SPOCK3: variants seen among roughly 807,000 people sequenced by gnomAD.
The protein encoded by SPOCK3 is SPARC (osteonectin), cwcv and kazal like domains proteoglycan 3.
In SPOCK3, 30 loss-of-function variants were observed where a neutral mutation model predicts 56.6. The observed-to-expected ratio is 0.53, with a 90% CI of 0.40 to 0.72. SPOCK3 has a LOEUF of 0.72. Among genes scored for constraint, SPOCK3 ranks in the 30% least tolerant of loss-of-function variants. The pLI is 0.00. For synonymous variants in SPOCK3, 196 were observed against 183.3 expected (o/e 1.07, Z -0.56); for missense variants, 527 against 530.0 (o/e 0.99, Z 0.06).
intron 3 of SPOCK3, among the ~76,000 whole-genome samples, chr4:167,058,413 G>A (rs1446797982): frequency 6.6e-6 from 1 of 152,140 alleles, no homozygotes; most frequent in East Asian, 1.9e-4. Context: ...GCTTCAAAGA[G>A]AATAAAATAC....
chr4:167,228,890 T>G (rs1736856959), intron 2 of SPOCK3, among the ~76,000 whole-genome samples: 1 of 152,162 alleles, frequency 6.6e-6, no homozygotes, highest in Admixed American at 6.5e-5. Context: ...TGCTACAGTC[T>G]TCACCAGCTC....
chr4:167,233,578 A>C (rs1380169593), intron 2 of SPOCK3, among the ~76,000 whole-genome samples: 6 of 152,048 alleles, frequency 3.9e-5, no homozygotes, highest in Admixed American at 3.9e-4. Flanking sequence ...TCCTTAATGG[A>C]CCATTAGTGA....
At chr4:167,054,757 G>A (rs1271998407) in intron 3 of SPOCK3, among the ~76,000 whole-genome samples, 4 of 152,292 alleles carry the variant, frequency 2.6e-5, no homozygotes, top group South Asian at 2.1e-4. Flanking sequence ...AAACTTAAAT[G>A]AGATGAAAAA....
chr4:167,060,980 C>T (rs1755546034), intron 3 of SPOCK3, among the ~76,000 whole-genome samples: 1 of 152,064 alleles, frequency 6.6e-6, no homozygotes, highest in Non-Finnish European at 1.5e-5. Flanking sequence ...TAGCTATTAT[C>T]ATGTCATAAG....
chr4:167,176,649 C>G (rs1312179205), intron 2 of SPOCK3, among the ~76,000 whole-genome samples: 1 of 151,980 alleles, frequency 6.6e-6, no homozygotes, highest in Non-Finnish European at 1.5e-5. Context: ...TTCGCTATAT[C>G]CCATTCAGTC....
At chr4:167,084,821 A>C (rs1272951486) in intron 2 of SPOCK3, among the ~76,000 whole-genome samples, 1 of 152,140 alleles carries the variant, frequency 6.6e-6, no homozygotes, top group Non-Finnish European at 1.5e-5. Context: ...AAAAGGTTAA[A>C]TTAGACGACA....
At chr4:167,144,143 C>A (rs1194004848) in intron 2 of SPOCK3, among the ~76,000 whole-genome samples, 2 of 151,754 alleles carry the variant, frequency 1.3e-5, no homozygotes, top group Non-Finnish European at 1.5e-5. Flanking sequence ...CTATTTTGTT[C>A]TTTTCCTCTT....
intron 4 of SPOCK3, among the ~76,000 whole-genome samples, chr4:166,938,318 G>T (rs1296892754): frequency 1.3e-5 from 2 of 152,132 alleles, no homozygotes; most frequent in African/African-American, 4.8e-5. Context: ...TTTTGCCATT[G>T]ATTATGTGCA....
chr4:166,913,028 A>C (rs10003506), intron 4 of SPOCK3, among the ~76,000 whole-genome samples: 16,657 of 152,092 alleles, frequency 0.11, 966 homozygotes, highest in African/African-American at 0.14. Context: ...CTTTTGATAG[A>C]CTCAGAAACA....
Position 166,765,540 on chromosome 4 carries a change from G to T in SPOCK3, c.710-10811C>A, listed in dbSNP as rs571017115. On this transcript the variant is annotated intron_variant, in intron 7 of 10. Coordinates refer to ENST00000357545, the MANE Select transcript of SPOCK3 (RefSeq NM_001040159.2). ...CTGAGGGCTCTGTTCTGTTCCATTG[G>T]TCTATATCTCTGTTTTGGTACCAGT... Among the ~76,000 whole-genome samples the T allele has an allele frequency of 4.6e-5, 7 of 152,092 alleles. No homozygotes were observed. In the East Asian group the frequency reaches 1.3e-3, roughly 29 times the overall value.
intron 9 of SPOCK3, among the ~76,000 whole-genome samples, chr4:166,740,716 G>C (rs1478949527): frequency 6.6e-6 from 1 of 151,874 alleles, no homozygotes; most frequent in East Asian, 1.9e-4. Flanking sequence ...AGTAGAGGTG[G>C]GGTTTTGCCA....
chr4:166,913,978 G>C (rs578197640), intron 4 of SPOCK3, among the ~76,000 whole-genome samples: 1 of 152,004 alleles, frequency 6.6e-6, no homozygotes, highest in East Asian at 1.9e-4. Context: ...CAATATCCTA[G>C]TGAGAGATAA....
At chr4:167,059,466 C>A (rs1580161718) in intron 3 of SPOCK3, among the ~76,000 whole-genome samples, 1 of 151,876 alleles carries the variant, frequency 6.6e-6, no homozygotes, top group Non-Finnish European at 1.5e-5. Context: ...CATCTCACAC[C>A]AGTTAGAATG....
At chr4:167,054,975 TAACA>T (rs35413772) in intron 3 of SPOCK3, among the ~76,000 whole-genome samples, 2,315 of 152,282 alleles carry the variant, frequency 0.015, 65 homozygotes, top group African/African-American at 0.053. Flanking sequence ...AAATATTGAT[TAACA>T]TTTTCATTGG....
At chr4:167,017,722 A>ATG (rs892712679) in intron 3 of SPOCK3, among the ~76,000 whole-genome samples, 23 of 151,538 alleles carry the variant, frequency 1.5e-4, no homozygotes, top group Admixed American at 3.3e-4. Flanking sequence ...ATATGAATGT[A>ATG]TGTGTGTGTG....
chr4:167,145,422 G>T (rs186493693), intron 2 of SPOCK3, among the ~76,000 whole-genome samples: 97 of 152,086 alleles, frequency 6.4e-4, no homozygotes, highest in Middle Eastern at 6.8e-3. Context: ...TAAGCCATGG[G>T]GCTGAACAGG....
intron 2 of SPOCK3, among the ~76,000 whole-genome samples, chr4:167,225,546 CAT>C (rs1039267094): frequency 1.3e-5 from 2 of 151,808 alleles, no homozygotes; most frequent in African/African-American, 4.8e-5. Flanking sequence ...TTATGTGTAA[CAT>C]ATTAAGCAAA....
intron 2 of SPOCK3, chr4:167,102,478 A>C (rs1759734608): frequency 6.6e-6 from 1 of 152,174 alleles, no homozygotes; most frequent in African/African-American, 2.4e-5. Flanking sequence ...TGAAGATGGT[A>C]AAAAAGACAG....
At chr4:166,784,320 C>A (rs1740510763) in intron 7 of SPOCK3, among the ~76,000 whole-genome samples, 2 of 152,018 alleles carry the variant, frequency 1.3e-5, no homozygotes, top group Admixed American at 6.6e-5. Context: ...TATTTTATAG[C>A]AATACTTTTA....
Sources: gnomAD v4.1 joint callset for allele counts (sites outside exome capture counted in the v4.1 genomes callset) on GRCh38, gnomAD v4.1.1 for gene constraint, MANE v1.5 for transcripts, NCBI Gene and HGNC (gene_info 2026-07-23, HGNC 2026-07-21) for gene names.